Variants in SUPT3H observed in about 807,000 individuals in gnomAD.
The protein encoded by SUPT3H is SPT3 homolog, SAGA and STAGA complex component, also known as transcription initiation protein SPT3 homolog.
A neutral mutation model predicts 44.3 loss-of-function variants in SUPT3H; 44 were observed. The ratio of observed to expected loss-of-function variants is 0.99; its 90% CI spans 0.78 to 1.28. SUPT3H has a LOEUF of 1.28. Ranked by LOEUF, SUPT3H falls within the 50% of genes most tolerant of loss-of-function variation. The pLI, the probability that SUPT3H is intolerant of heterozygous loss-of-function variation, is 0.00. For synonymous variants in SUPT3H, 124 were observed against 125.6 expected (o/e 0.99, Z 0.09); for missense variants, 380 against 387.1 (o/e 0.98, Z 0.15).
Position 45,178,866 on chromosome 6 carries a change from A to G in SUPT3H, c.102-72860T>C, listed in dbSNP as rs938048262. 4.6e-5 allele frequency among the ~76,000 whole-genome samples: 7 copies of G among 152,074 alleles called. No homozygotes were observed. The East Asian group carries it at 5.8e-4, about 13-fold the overall frequency. ...GAAATAAAGATGCTCTTTGAAACCA[A>G]CGAGAACAAAGACACAACATACCAG... On this transcript the variant is annotated intron_variant, in intron 2 of 10. Transcript: ENST00000371459.
chr6:45,344,670 T>C (rs894772388), intron 2 of SUPT3H, among the ~76,000 whole-genome samples: 9 of 152,098 alleles, frequency 5.9e-5, no homozygotes, highest in Non-Finnish European at 1.2e-4. Context: ...GTTAACTTTT[T>C]AGGTAAAGTG....
chr6:44,939,096 AGTAC>A (rs1771969964), intron 9 of SUPT3H, among the ~76,000 whole-genome samples: 1 of 152,150 alleles, frequency 6.6e-6, no homozygotes, highest in African/African-American at 2.4e-5. Context: ...TAGGACTTCC[AGTAC>A]TATGTTGAAT....
chr6:45,198,701 C>T (rs1451625016), intron 2 of SUPT3H, among the ~76,000 whole-genome samples: 1 of 122,384 alleles, frequency 8.2e-6, no homozygotes, highest in Non-Finnish European at 1.8e-5. Context: ...TAACAGGTAA[C>T]ATGAGTGGTT....
intron 3 of SUPT3H, among the ~76,000 whole-genome samples, chr6:45,022,810 C>T (rs1489357055): frequency 6.6e-6 from 1 of 152,034 alleles, no homozygotes; most frequent in African/African-American, 2.4e-5. Context: ...TACCCCCATA[C>T]CAAAATACTC....
chr6:44,953,513 G>A, intron 8 of SUPT3H, 96 bp from the exon 9 acceptor site: 1 of 928,176 alleles, frequency 1.1e-6, no homozygotes, highest in African/African-American at 1.6e-5. Flanking sequence ...GAATGTTACT[G>A]ATAATCCTGC....
At chr6:44,885,722 A>G (rs1421569897) in intron 10 of SUPT3H, among the ~76,000 whole-genome samples, 2 of 152,200 alleles carry the variant, frequency 1.3e-5, no homozygotes, top group Non-Finnish European at 2.9e-5. Flanking sequence ...TCCTCCTCCA[A>G]AGGAACACAG....
intron 2 of SUPT3H, among the ~76,000 whole-genome samples, chr6:45,342,418 C>T (rs111469485): frequency 0.033 from 5,024 of 152,128 alleles, 118 homozygotes; most frequent in Middle Eastern, 0.051. Flanking sequence ...CGCACCACCA[C>T]GCCCAGATAA....
chr6:45,202,662 A>G (rs1480169291), intron 2 of SUPT3H, among the ~76,000 whole-genome samples: 1 of 152,062 alleles, frequency 6.6e-6, no homozygotes, highest in Non-Finnish European at 1.5e-5. Flanking sequence ...GTACTATCAA[A>G]ATCTCTATTT....
At chr6:45,019,292 A>T (rs1784769848) in intron 4 of SUPT3H, among the ~76,000 whole-genome samples, 1 of 151,998 alleles carries the variant, frequency 6.6e-6, no homozygotes, top group South Asian at 2.1e-4. Context: ...TCCTTTCAAA[A>T]AACCAGCTCC....
At chr6:45,222,140 G>T (rs1766169910) in intron 2 of SUPT3H, among the ~76,000 whole-genome samples, 1 of 151,750 alleles carries the variant, frequency 6.6e-6, no homozygotes, top group South Asian at 2.1e-4. Context: ...TGTATCACAG[G>T]TCTAAATATA....
chr6:45,192,929 CTT>C (rs1815381990), intron 2 of SUPT3H, among the ~76,000 whole-genome samples: 1 of 152,156 alleles, frequency 6.6e-6, no homozygotes, highest in African/African-American at 2.4e-5. Context: ...GTATCCGACT[CTT>C]TTGCTCTTTG....
At chr6:44,920,565 CAAAAAAAAA>C (rs5875898) in intron 10 of SUPT3H, among the ~76,000 whole-genome samples, 3 of 113,476 alleles carry the variant, frequency 2.6e-5, no homozygotes, top group Non-Finnish European at 5.4e-5. Context: ...TTGTTTCTTT[CAAAAAAAAA>C]AAAAAAAAAG....
At chr6:45,218,300 C>T (rs1765423581) in intron 2 of SUPT3H, among the ~76,000 whole-genome samples, 1 of 152,120 alleles carries the variant, frequency 6.6e-6, no homozygotes, top group African/African-American at 2.4e-5. Flanking sequence ...ACTAGGAAGA[C>T]ATAGGAATCC....
At chr6:44,815,964 T>C (rs2153404038) in intron 11 of SUPT3H, among the ~76,000 whole-genome samples, 1 of 152,208 alleles carries the variant, frequency 6.6e-6, no homozygotes, top group South Asian at 2.1e-4. Flanking sequence ...TTCAAGTGCA[T>C]ATGCACATGT....
intron 2 of SUPT3H, among the ~76,000 whole-genome samples, chr6:45,174,921 G>C (rs1026425806): frequency 2.0e-5 from 3 of 147,646 alleles, no homozygotes; most frequent in Admixed American, 6.8e-5. Flanking sequence ...ATCACGCCTG[G>C]AGTCCCAGCT....
chr6:45,184,775 GAAAAAAAAA>G (rs55652227), intron 2 of SUPT3H, among the ~76,000 whole-genome samples: 98 of 128,568 alleles, frequency 7.6e-4, no homozygotes, highest in Non-Finnish European at 1.0e-3. Context: ...ACAGGCAGAG[GAAAAAAAAA>G]AAAAAAAAAA....
rs146694418 is a variant in SUPT3H, at chr6:44,951,222, G to A, written c.801+2088C>T. On this transcript the variant is annotated intron_variant, in intron 9 of 10. Transcript: ENST00000371459. ...AGCTTTCTCTCTAAAGTCTTTGACTGCAACTAGAGAAGGTTTTTTTTTTTT... is the reference window on the plus strand; with the variant it reads ...AGCTTTCTCTCTAAAGTCTTTGACTACAACTAGAGAAGGTTTTTTTTTTTT... Among the ~76,000 whole-genome samples, 9 of 146,644 alleles carry A rather than the reference G, an allele frequency of 6.1e-5. No individual in the cohort carries two copies. The East Asian group carries it at 1.8e-3, about 29-fold the overall frequency.
At chr6:44,912,195 T>C (rs998749306) in intron 10 of SUPT3H, among the ~76,000 whole-genome samples, 5 of 152,232 alleles carry the variant, frequency 3.3e-5, no homozygotes, top group Non-Finnish European at 7.3e-5. Context: ...ATCTACTTTT[T>C]CATCATCCCG....
At chr6:45,286,770 C>T (rs144613684) in intron 2 of SUPT3H, among the ~76,000 whole-genome samples, 5,569 of 152,242 alleles carry the variant, frequency 0.037, 144 homozygotes, top group Middle Eastern at 0.058. Context: ...ATAAAACATG[C>T]TGCTATAAAG....
Sources: allele counts gnomAD v4.1 joint callset (sites outside exome capture counted in the v4.1 genomes callset), GRCh38; gene constraint gnomAD v4.1.1; transcripts MANE v1.5; gene names NCBI Gene and HGNC (gene_info 2026-07-23, HGNC 2026-07-21).